The following WASHC1 variants were observed in gnomAD, a reference collection of about 807,000 sequenced individuals.
WASHC1 encodes the protein WASH complex subunit 1.
WASHC1 carries 11 observed loss-of-function variants against 26.1 expected under a neutral mutation model. That is an observed-to-expected ratio of 0.42 (90% confidence interval 0.27 to 0.70). The LOEUF (loss-of-function observed/expected upper bound fraction) is 0.70. Among genes scored for constraint, WASHC1 ranks in the 30% least tolerant of loss-of-function variants. The pLI is 0.24. For synonymous variants in WASHC1, 37 were observed against 126.6 expected (o/e 0.29, Z 4.75); for missense variants, 96 against 304.9 (o/e 0.31, Z 5.10).
exon 11 of WASHC1, chr9:14,538 A>G: frequency 1.7e-6 from 1 of 596,252 alleles, no homozygotes; most frequent in Non-Finnish European, 3.0e-6. Flanking sequence ...TTCTTTATTG[A>G]TTGGTGTGCC....
chr9:16,215 T>TG (rs1460404356), intron 8 of WASHC1, among the ~76,000 whole-genome samples, 154 bp from the exon 9 acceptor site: 15 of 128,236 alleles, frequency 1.2e-4, no homozygotes. Context: ...GGAGACTGTG[T>TG]GGGGCCCGGG....
rs369153088 is a variant in WASHC1, at chr9:17,101, G to A, written c.747C>T (p.Tyr249=). ...TGGCAATGCCGGGCAGGTCAGGCAGGTAGGATGGAACATGGATCTCAGGCA... is the reference window on the plus strand; with the variant it reads ...TGGCAATGCCGGGCAGGTCAGGCAGATAGGATGGAACATGGATCTCAGGCA... Residue 249 remains tyrosine, a synonymous_variant, in exon 7 of 11, where the codon TAC becomes TAT. Transcript: ENST00000442898. 399 of 1,306,326 alleles carry A rather than the reference G, an allele frequency of 3.1e-4. 54 individuals carry two copies. In the African/African-American group the frequency reaches 6.4e-3, roughly 21 times the overall value. The allele number at this position is 1,306,326 out of a possible 1,614,324, so 80.9% of individuals were successfully genotyped here.
chr9:14,924 TC>T lies in WASHC1; in HGVS notation c.1280del (p.Gly427AspfsTer57), dbSNP rs1243480463. 1.4e-6 allele frequency: 2 copies of T among 1,382,844 alleles called. No homozygotes were observed. The highest frequency in any genetic ancestry group is 9.8e-7 in the Non-Finnish European group (1 of 1,016,620). 85.7% of individuals were successfully genotyped at this position (1,382,844 alleles called of 1,614,324 possible). ...CTCCGGGCCCCTCACCAGCCCCAGG[TC>T]CTTTCCCAGAGATGCCTGGAGGGAA... is the stretch of plus-strand genomic sequence containing the variant. On this transcript the variant is annotated frameshift_variant, in exon 11 of 11. Transcript: ENST00000442898. LOFTEE classifies it high-confidence loss of function.
chr9:28,606 G>T, intron 1 of WASHC1: 1 of 133,726 alleles, frequency 7.5e-6, no homozygotes, highest in Admixed American at 7.5e-5. Context: ...GTGGGTAACT[G>T]TAATTCATTC....
chr9:22,026 CCT>C (rs1219241391), intron 2 of WASHC1, among the ~76,000 whole-genome samples: 5 of 146,188 alleles, frequency 3.4e-5, no homozygotes, highest in African/African-American at 1.1e-4. Context: ...ACCCTGCCCC[CCT>C]CTTCCAGGAG....
chr9:20,703 C>A lies in WASHC1; in HGVS notation c.150-2211G>T, dbSNP rs544173272. Among the ~76,000 whole-genome samples the A allele has an allele frequency of 3.2e-5, 3 of 94,192 alleles. 1 individual carries two copies. Among genetic ancestry groups the A allele is most frequent in the Non-Finnish European group, 5.7e-5 (3 of 52,418 alleles). The allele number at this position is 94,192 out of a possible 152,430, so 61.8% of individuals were successfully genotyped here. On this transcript the variant is annotated intron_variant, in intron 2 of 10. Coordinates refer to ENST00000442898, the Ensembl canonical transcript of WASHC1. ...CAACATTTAGGTTTTAAAAATCAAG[C>A]GTATAAATACAGAAGGTGGAGAGAA...
At chr9:14,772 G>T in exon 11 of WASHC1, 1 of 1,521,520 alleles carries the variant, frequency 6.6e-7, no homozygotes, top group Non-Finnish European at 9.0e-7. Context: ...AACGGCCCAA[G>T]TCTGGGTCTG....
chr9:15,638 G>A (rs376351950), intron 9 of WASHC1, among the ~76,000 whole-genome samples: 3,830 of 72,420 alleles, frequency 0.053, 10 homozygotes, highest in East Asian at 0.096. Context: ...CTTGGCAGTC[G>A]AAGAAGATTC....
At chr9:14,589 T>C in exon 11 of WASHC1, 1 of 847,322 alleles carries the variant, frequency 1.2e-6, no homozygotes, top group Non-Finnish European at 1.9e-6. Flanking sequence ...TGGCGCAGGC[T>C]GGGTGGAGCC....
At chr9:21,841 AG>A (rs1437210844) in intron 2 of WASHC1, among the ~76,000 whole-genome samples, 1 of 151,004 alleles carries the variant, frequency 6.6e-6, no homozygotes, top group Non-Finnish European at 1.5e-5. Context: ...AGTGCAAGGG[AG>A]AGGCAGCGCT....
At chr9:14,876 G>A in exon 11 of WASHC1, 1 of 1,387,734 alleles carries the variant, frequency 7.2e-7, no homozygotes, top group South Asian at 1.2e-5. Context: ...GAGGGATGGA[G>A]TCTGACACGC....
At chr9:22,305 G>C (rs1159066927) in intron 2 of WASHC1, among the ~76,000 whole-genome samples, 1 of 145,994 alleles carries the variant, frequency 6.8e-6, no homozygotes, top group Admixed American at 6.6e-5. Flanking sequence ...CGGGGACACA[G>C]GACAGCATTC....
chr9:28,524 GA>G (rs1817490864), intron 1 of WASHC1: 2 of 141,428 alleles, frequency 1.4e-5, no homozygotes, highest in African/African-American at 2.8e-5. Context: ...TTTGTTGGCG[GA>G]AAAAAAATTT....
Position 15,160 on chromosome 9 carries a change from A to G in WASHC1, c.1196-11T>C. ...GGCTCGTGGCTCTCACTGCAACGGG[A>G]AAGCCACAGACTGGGGTGAAGAGTT... On this transcript the variant is annotated splice_polypyrimidine_tract_variant and intron_variant, in intron 9 of 10. Coordinates refer to ENST00000442898, the Ensembl canonical transcript of WASHC1. The G allele has an allele frequency of 2.0e-6, 1 of 506,718 alleles. No homozygotes were observed. Among genetic ancestry groups the G allele is most frequent in the South Asian group, 2.0e-5 (1 of 50,656 alleles). 31.4% of individuals were successfully genotyped at this position (506,718 alleles called of 1,614,324 possible). A position where few individuals can be genotyped will look rare whatever the true frequency, so the allele number is the denominator to read the frequency against.
intron 1 of WASHC1, among the ~76,000 whole-genome samples, chr9:26,951 G>A (rs1476547386): frequency 4.0e-5 from 2 of 50,610 alleles, no homozygotes; most frequent in African/African-American, 2.2e-4. Context: ...TTTGGGAGGC[G>A]AAGGCAGGCA....
At chr9:14,611 A>C (rs1402147777) in exon 11 of WASHC1, 2 of 1,144,518 alleles carry the variant, frequency 1.7e-6, no homozygotes, top group Admixed American at 4.2e-5. Context: ...TCCCCCCATG[A>C]AGTACAGGCA....
exon 7 of WASHC1, chr9:17,084 C>A: frequency 2.1e-6 from 3 of 1,449,976 alleles, no homozygotes; most frequent in African/African-American, 3.6e-5. Context: ...GTTGGCAATG[C>A]CGGGCAGGTC....
chr9:17,122 A>G lies in WASHC1; in HGVS notation c.726T>C (p.Pro242=). 1.6e-6 allele frequency: 2 copies of G among 1,253,658 alleles called. 1 individual carries two copies. The highest frequency in any genetic ancestry group is 2.1e-6 in the Non-Finnish European group (2 of 956,078). 77.7% of individuals were successfully genotyped at this position (1,253,658 alleles called of 1,614,324 possible). The change falls in exon 7 of 11, where the codon CCT becomes CCC. Residue 242 remains proline (P), a synonymous_variant. Coordinates refer to ENST00000442898, the Ensembl canonical transcript of WASHC1. ...GCAGGTAGGATGGAACATGGATCTC[A>G]GGCACCTGGCCCAGGTCTGGCACAT...
chr9:14,670 T>A (rs1815989552), exon 11 of WASHC1: 2 of 1,206,130 alleles, frequency 1.7e-6, no homozygotes, highest in Non-Finnish European at 2.4e-6. Flanking sequence ...CTTCCGCTCC[T>A]TGAAGCTGGT....
Sources: gnomAD v4.1 joint callset for allele counts (sites outside exome capture counted in the v4.1 genomes callset) on GRCh38, gnomAD v4.1.1 for gene constraint, MANE v1.5 for transcripts, NCBI Gene and HGNC (gene_info 2026-07-23, HGNC 2026-07-21) for gene names.